HDX: variants seen among roughly 807,000 people sequenced by gnomAD.
HDX encodes highly divergent homeobox.
Under a neutral mutation model 45.2 loss-of-function variants are expected in HDX, and 19 were observed. That is an observed-to-expected ratio of 0.42 (90% CI 0.29 to 0.62). The LOEUF (loss-of-function observed/expected upper bound fraction) is 0.62. Among genes scored for constraint, HDX ranks in the 20% least tolerant of loss-of-function variants. The pLI is 0.20. For missense variants in HDX, 532 were observed against 493.9 expected (o/e 1.08, Z -0.73); for synonymous variants, 188 against 172.8 (o/e 1.09, Z -0.69).
At chrX:84,483,187 A>T in intron 2 of HDX, among the ~76,000 whole-genome samples, 1 of 110,912 alleles carries the variant, frequency 9.0e-6, no homozygotes, top group Admixed American at 9.5e-5. Context: ...CTGTCGGTGG[A>T]TCTATCATTC....
intron 2 of HDX, among the ~76,000 whole-genome samples, chrX:84,476,716 A>G (rs1310672830): frequency 9.0e-6 from 1 of 111,685 alleles, no homozygotes; most frequent in African/African-American, 3.3e-5. Flanking sequence ...GAAATAACTT[A>G]TCTTTCTCTG....
At position 84,468,908 on chromosome X, in the gene HDX, T is replaced by C. The variant is rs1256498315; in HGVS notation, c.815A>G (p.Asp272Gly). 8.3e-7 allele frequency: 1 copy of C among 1,209,406 alleles called. No homozygotes were observed. The highest frequency in any genetic ancestry group is 1.1e-6 in the Non-Finnish European group (1 of 894,691). Residue 272 changes from aspartate (D) to glycine (G), a missense_variant, in exon 4 of 11, where the codon GAT becomes GGT. Transcript: ENST00000373177. ...IREVFSLAVSDYPQRILGGNA... is the reference protein window; with the variant it reads ...IREVFSLAVSGYPQRILGGNA... ...TCCTCCCAGAATTCTCTGGGGGTAATCGCTAACTGCCAATGAAAACACTTC... is the reference window on the plus strand; with the variant it reads ...TCCTCCCAGAATTCTCTGGGGGTAACCGCTAACTGCCAATGAAAACACTTC...
At chrX:84,334,143 G>A (rs2036904503) in intron 8 of HDX, among the ~76,000 whole-genome samples, 2 of 111,474 alleles carry the variant, frequency 1.8e-5, no homozygotes, top group East Asian at 2.8e-4. Context: ...CCAGGGACAG[G>A]AAATTTACTT....
intron 2 of HDX, among the ~76,000 whole-genome samples, chrX:84,481,108 A>G (rs1455932860): frequency 9.0e-6 from 1 of 111,460 alleles, no homozygotes; most frequent in African/African-American, 3.3e-5. Context: ...TGTTGAACTC[A>G]AAGGTATAAG....
chrX:84,385,927 T>G (rs2038310455), intron 5 of HDX, among the ~76,000 whole-genome samples: 1 of 104,003 alleles, frequency 9.6e-6, no homozygotes, highest in South Asian at 4.8e-4. Flanking sequence ...ATCCTTGTCT[T>G]GTTCCAGTTC....
At chrX:84,396,396 C>G (rs4454440) in intron 5 of HDX, among the ~76,000 whole-genome samples, 27,969 of 111,180 alleles carry the variant, frequency 0.25, 2,642 homozygotes, top group Non-Finnish European at 0.3. Flanking sequence ...TAGTGAAGTT[C>G]TGCCTGAGAC....
At chrX:84,447,609 A>G (rs951116030) in intron 4 of HDX, among the ~76,000 whole-genome samples, 2 of 110,623 alleles carry the variant, frequency 1.8e-5, no homozygotes, top group African/African-American at 6.6e-5. Flanking sequence ...CCAAGTCCTA[A>G]ACAGTTACAC....
At chrX:84,461,378 G>A (rs758506652) in intron 4 of HDX, among the ~76,000 whole-genome samples, 1 of 111,016 alleles carries the variant, frequency 9.0e-6, no homozygotes, top group East Asian at 2.8e-4. Context: ...TACATCTACA[G>A]TGAACTCATG....
intron 6 of HDX, among the ~76,000 whole-genome samples, chrX:84,361,081 A>G (rs1333217311): frequency 3.6e-5 from 4 of 111,782 alleles, no homozygotes; most frequent in African/African-American, 9.7e-5. Context: ...ACTCATTATT[A>G]TATACCTTTT....
intron 5 of HDX, among the ~76,000 whole-genome samples, chrX:84,389,189 G>T (rs926665992): frequency 1.5e-4 from 17 of 112,092 alleles, no homozygotes; most frequent in African/African-American, 5.2e-4. Context: ...TCATTTGCAG[G>T]CATGCTCTGC....
At chrX:84,386,419 G>C (rs988003786) in intron 5 of HDX, among the ~76,000 whole-genome samples, 2 of 111,178 alleles carry the variant, frequency 1.8e-5, no homozygotes, top group African/African-American at 6.6e-5. Context: ...ATAGTTTCAT[G>C]ATAATTGGTA....
intron 4 of HDX, among the ~76,000 whole-genome samples, chrX:84,452,818 A>G (rs983147723): frequency 7.1e-5 from 8 of 112,096 alleles, no homozygotes; most frequent in African/African-American, 1.3e-4. Flanking sequence ...ATATGCAAAC[A>G]TCAACTCAAG....
intron 5 of HDX, among the ~76,000 whole-genome samples, chrX:84,394,029 C>T (rs1041332955): frequency 9.1e-6 from 1 of 109,815 alleles, no homozygotes; most frequent in African/African-American, 3.3e-5. Flanking sequence ...ATCTTTATTC[C>T]CTTTTCCTAA....
At chrX:84,441,657 G>A (rs1428935639) in intron 4 of HDX, among the ~76,000 whole-genome samples, 3 of 111,450 alleles carry the variant, frequency 2.7e-5, no homozygotes, top group African/African-American at 9.7e-5. Flanking sequence ...TTTGAATTAT[G>A]TCCCAGTGTC....
At chrX:84,422,985 A>G (rs977251302) in intron 5 of HDX, among the ~76,000 whole-genome samples, 3 of 111,192 alleles carry the variant, frequency 2.7e-5, no homozygotes, top group Admixed American at 9.6e-5. Flanking sequence ...AACAAAATTG[A>G]CAAACCTTTA....
chrX:84,451,762 A>G (rs1454549310), intron 4 of HDX, among the ~76,000 whole-genome samples: 1 of 111,486 alleles, frequency 9.0e-6, no homozygotes, highest in African/African-American at 3.3e-5. Context: ...ATTAATACAG[A>G]TGCAAAAACC....
chrX:84,366,338 A>C (rs1030644047), intron 5 of HDX, among the ~76,000 whole-genome samples: 2 of 112,055 alleles, frequency 1.8e-5, no homozygotes, highest in Admixed American at 1.9e-4. Flanking sequence ...AAGAGAGGAC[A>C]CAAACAAATG....
chrX:84,328,527 A>G (rs1389482424), intron 9 of HDX, among the ~76,000 whole-genome samples: 2 of 112,141 alleles, frequency 1.8e-5, no homozygotes, highest in Non-Finnish European at 1.9e-5. Context: ...TTACAACTCA[A>G]TTATGAGATG....
At chrX:84,441,081 A>T (rs768081688) in intron 4 of HDX, among the ~76,000 whole-genome samples, 4 of 111,303 alleles carry the variant, frequency 3.6e-5, no homozygotes, top group Non-Finnish European at 7.6e-5. Flanking sequence ...ATTATAAATT[A>T]GTTAAGAAAT....
Sources: allele counts gnomAD v4.1 joint callset (sites outside exome capture counted in the v4.1 genomes callset), GRCh38; gene constraint gnomAD v4.1.1; transcripts MANE v1.5; gene names NCBI Gene and HGNC (gene_info 2026-07-23, HGNC 2026-07-21).